The following RMST variants were observed in gnomAD, a reference collection of about 807,000 sequenced individuals.
RMST encodes the protein rhabdomyosarcoma 2 associated transcript, also known as long intergenic non-protein coding RNA 54.
rs1880271964 is a variant in RMST, at chr12:97,519,307, C to T, written n.1341-11348C>T. Among the ~76,000 whole-genome samples the T allele has an allele frequency of 2.6e-5, 4 of 152,148 alleles. No individual in the cohort carries two copies. In the South Asian group the frequency reaches 8.3e-4, roughly 32 times the overall value. On this transcript the variant is annotated intron_variant and non_coding_transcript_variant, in intron 10 of 13. Coordinates refer to ENST00000640149, the Ensembl canonical transcript of RMST. ...GTAATTAGACTATGAAGGAGCAGGT[C>T]AGAGTCTGTACGTCAATCCCAGGAA...
intron 10 of RMST, among the ~76,000 whole-genome samples, chr12:97,514,664 AT>A (rs1346304220): frequency 6.8e-6 from 1 of 146,882 alleles, no homozygotes; most frequent in Non-Finnish European, 1.5e-5. Context: ...TGGAAAGTAT[AT>A]TGTTTTTTTT....
intron 10 of RMST, among the ~76,000 whole-genome samples, chr12:97,499,317 T>C (rs758871712): frequency 2.6e-5 from 4 of 152,326 alleles, no homozygotes; most frequent in Middle Eastern, 3.4e-3. Context: ...CAGAGATCTG[T>C]ATTCATAATT....
At chr12:97,535,021 G>T (rs1051518182) in intron 11 of RMST, among the ~76,000 whole-genome samples, 3 of 151,400 alleles carry the variant, frequency 2.0e-5, no homozygotes, top group African/African-American at 7.3e-5. Context: ...GATTTTCTAG[G>T]TTTTTTTAAA....
chr12:97,562,490 G>A (rs372168647), intron 13 of RMST, among the ~76,000 whole-genome samples: 7 of 152,194 alleles, frequency 4.6e-5, no homozygotes, highest in African/African-American at 1.7e-4. Context: ...GGGGAGAGCT[G>A]AGCCAGCTGG....
At chr12:97,558,697 C>G (rs1456632519) in intron 11 of RMST, among the ~76,000 whole-genome samples, 3 of 152,036 alleles carry the variant, frequency 2.0e-5, no homozygotes, top group African/African-American at 7.2e-5. Context: ...GATATTGATG[C>G]CCTGGGATTC....
At chr12:97,478,903 A>G (rs909605230) in intron 5 of RMST, among the ~76,000 whole-genome samples, 1 of 152,066 alleles carries the variant, frequency 6.6e-6, no homozygotes, top group African/African-American at 2.4e-5. Context: ...ATTTTCTCAA[A>G]TGGAAAAGAG....
rs535628805 is a variant in RMST, at chr12:97,496,960, A to AATAT, written n.1340+905_1340+908dup. On this transcript the variant is annotated intron_variant and non_coding_transcript_variant, in intron 10 of 13. Transcript: ENST00000640149. ...CTGAGATGTGTCAGATGACAGTGAT[A>AATAT]ATATCATAACTCATTTTATGAATGA... is the stretch of plus-strand genomic sequence containing the variant. Among the ~76,000 whole-genome samples the AATAT allele has an allele frequency of 2.4e-4, 36 of 152,306 alleles. No individual in the cohort carries two copies. In the South Asian group the frequency reaches 7.5e-3, roughly 32 times the overall value.
chr12:97,549,466 A>G lies in RMST; in HGVS notation n.1546-11071A>G, dbSNP rs982895325. 3.9e-5 allele frequency among the ~76,000 whole-genome samples: 6 copies of G among 152,238 alleles called. No individual in the cohort carries two copies. The East Asian group carries it at 1.2e-3, about 29-fold the overall frequency. On this transcript the variant is annotated intron_variant and non_coding_transcript_variant, in intron 11 of 13. Transcript: ENST00000640149. ...TTTTTAAAATTAGCCCGAAAGGGCA[A>G]TAAATTAGGCCTCTCTTAGGCCTGA... is the stretch of plus-strand genomic sequence containing the variant.
chr12:97,510,653 G>A (rs1879179053), intron 10 of RMST, among the ~76,000 whole-genome samples: 1 of 152,142 alleles, frequency 6.6e-6, no homozygotes, highest in Admixed American at 6.5e-5. Flanking sequence ...ATTAGTCAAA[G>A]TTGCCATAAT....
At chr12:97,498,519 A>G (rs1278059188) in intron 10 of RMST, among the ~76,000 whole-genome samples, 1 of 152,176 alleles carries the variant, frequency 6.6e-6, no homozygotes, top group Non-Finnish European at 1.5e-5. Flanking sequence ...ATGATCTTTA[A>G]TATTGTTGTT....
At chr12:97,520,053 G>A (rs1054580129) in intron 10 of RMST, among the ~76,000 whole-genome samples, 9 of 152,254 alleles carry the variant, frequency 5.9e-5, no homozygotes, top group East Asian at 1.9e-4. Flanking sequence ...AAGTTCAAGC[G>A]CTTGGTAAAG....
At chr12:97,531,157 G>A (rs1881587944) in intron 11 of RMST, among the ~76,000 whole-genome samples, 2 of 151,832 alleles carry the variant, frequency 1.3e-5, no homozygotes, top group South Asian at 4.2e-4. Flanking sequence ...AAATATCAAT[G>A]GGACATTTAT....
chr12:97,494,939 C>T (rs1431999394), intron 9 of RMST: 3 of 152,082 alleles, frequency 2.0e-5, no homozygotes, highest in Admixed American at 1.3e-4. Context: ...TTATGACTAT[C>T]CTAGCCCCAG....
intron 10 of RMST, among the ~76,000 whole-genome samples, chr12:97,525,891 C>T (rs2136569016): frequency 6.6e-6 from 1 of 152,240 alleles, no homozygotes; most frequent in Non-Finnish European, 1.5e-5. Flanking sequence ...GCTTCGCCTC[C>T]TGTCAGATCA....
intron 5 of RMST, among the ~76,000 whole-genome samples, chr12:97,482,737 A>ATATTATTTATT (rs1555229932): frequency 0.041 from 2,421 of 59,396 alleles, 263 homozygotes; most frequent in African/African-American, 0.094. Flanking sequence ...AAATAAATTT[A>ATATTATTTATT]TATTATTTAT....
At chr12:97,512,915 T>C (rs943903332) in intron 10 of RMST, among the ~76,000 whole-genome samples, 3 of 152,082 alleles carry the variant, frequency 2.0e-5, no homozygotes, top group African/African-American at 7.2e-5. Flanking sequence ...AGGCTGCAGG[T>C]CGGGAGCCCT....
At chr12:97,542,430 TTA>T (rs1882618135) in intron 11 of RMST, among the ~76,000 whole-genome samples, 1 of 151,794 alleles carries the variant, frequency 6.6e-6, no homozygotes, top group South Asian at 2.1e-4. Flanking sequence ...GCTGATGAAT[TTA>T]GAAACAGGAA....
intron 11 of RMST, among the ~76,000 whole-genome samples, chr12:97,539,044 A>G (rs1215258464): frequency 2.0e-5 from 3 of 151,490 alleles, no homozygotes; most frequent in South Asian, 2.1e-4. Flanking sequence ...TTCTACATCA[A>G]TACTAATTTT....
chr12:97,497,867 G>C (rs1877625633), intron 10 of RMST, among the ~76,000 whole-genome samples: 1 of 152,108 alleles, frequency 6.6e-6, no homozygotes, highest in Non-Finnish European at 1.5e-5. Context: ...GCTATGCTAT[G>C]TTAATAAGTT....
Sources: allele counts gnomAD v4.1 joint callset (sites outside exome capture counted in the v4.1 genomes callset), GRCh38; gene constraint gnomAD v4.1.1; transcripts MANE v1.5; gene names NCBI Gene and HGNC (gene_info 2026-07-23, HGNC 2026-07-21).